OR5H6: variants seen among roughly 807,000 people sequenced by gnomAD.
The protein encoded by OR5H6 is olfactory receptor 5H6.
For synonymous variants in OR5H6, 151 were observed against 127.7 expected (o/e 1.18, Z -1.23); for missense variants, 429 against 358.1 (o/e 1.20, Z -1.60).
rs1392479541 is a variant in OR5H6 at position 98,264,437 on chromosome 3, T to A, written c.105T>A (p.Tyr35Ter). The change falls in exon 1 of 1, where the codon TAT (tyrosine) becomes TAA (stop). Residue 35 changes from tyrosine to a stop codon, truncating the protein, a stop_gained. Coordinates refer to ENST00000615035, the MANE Select transcript of OR5H6 (RefSeq NM_001005479.2). LOFTEE classifies it low-confidence loss of function (END_TRUNC). ...IPLFLAFLVIYLITIMGNLGL... is the reference protein window; with the variant it reads ...IPLFLAFLVI ...TCTTCCTGGCATTCTTGGTAATATA[T>A]CTCATCACCATCATGGGGAATCTTG... 2 of 1,612,402 alleles carry A rather than the reference T, an allele frequency of 1.2e-6. No individual in the cohort carries two copies. Among genetic ancestry groups the A allele is most frequent in the South Asian group, 1.1e-5 (1 of 91,038 alleles).
In OR5H6 at chr3:98,264,877, T is replaced by A. The variant is rs536656763; in HGVS notation, c.545T>A (p.Ile182Asn). Residue 182 changes from isoleucine to asparagine, a missense_variant, in exon 1 of 1, where the codon ATC becomes AAC. Coordinates refer to ENST00000615035, the MANE Select transcript of OR5H6 (RefSeq NM_001005479.2). ...NIIQHFYCDI[I>N]PLLKISCTDS... The stretch of plus-strand genomic sequence containing the variant: ...ATACAACACTTTTACTGTGACATTA[T>A]CCCATTGTTAAAGATTTCCTGTACT... 204 of 1,610,750 alleles carry A rather than the reference T, an allele frequency of 1.3e-4. 4 individuals carry two copies. The South Asian group carries it at 2.1e-3, about 16-fold the overall frequency.
chr3:98,264,869 T>C lies in OR5H6; in HGVS notation c.537T>C (p.Cys179=). The change falls in exon 1 of 1, where the codon TGT becomes TGC. Residue 179 remains cysteine, a synonymous_variant. Transcript: ENST00000615035. ...CCAACATAATACAACACTTTTACTG[T>C]GACATTATCCCATTGTTAAAGATTT... ...CNSNIIQHFY[C]DIIPLLKISC... 1.2e-6 allele frequency: 2 copies of C among 1,610,220 alleles called. No homozygotes were observed. Among genetic ancestry groups the C allele is most frequent in the Non-Finnish European group, 1.7e-6 (2 of 1,177,994 alleles).
Position 98,265,059 on chromosome 3 carries a change from G to T in OR5H6, c.727G>T (p.Ala243Ser). ...GIRKAVSTCG[A>S]HLLSVSLYYG... ...ACGAAAAGCTGTCTCCACCTGTGGG[G>T]CTCATCTCTTATCTGTATCTTTATA... Residue 243 changes from alanine (A) to serine (S), a missense_variant, in exon 1 of 1, where the codon GCT (alanine) becomes TCT (serine). Coordinates refer to ENST00000615035, the MANE Select transcript of OR5H6 (RefSeq NM_001005479.2). The T allele has an allele frequency of 6.2e-7, 1 of 1,612,750 alleles. No homozygotes were observed. The highest frequency in any genetic ancestry group is 8.5e-7 in the Non-Finnish European group (1 of 1,179,456).
Position 98,264,532 on chromosome 3 carries a change from C to T in OR5H6, c.200C>T (p.Ala67Val), listed in dbSNP as rs753316847. The T allele has an allele frequency of 4.3e-6, 7 of 1,612,930 alleles. No homozygotes were observed. Among genetic ancestry groups the T allele is most frequent in the South Asian group, 1.1e-5 (1 of 91,050 alleles). ...IPMYLFLGSL[A>V]FVDASLSSTV... ...ATGTACTTATTCCTTGGGAGTTTAG[C>T]CTTTGTGGATGCTTCGTTATCATCC... is the stretch of plus-strand genomic sequence containing the variant. The change falls in exon 1 of 1, where the codon GCC (alanine) becomes GTC (valine). Residue 67 changes from alanine (A) to valine (V), a missense_variant. Ala to Val is a moderately conservative substitution (Grantham distance 64). Coordinates refer to ENST00000615035, the MANE Select transcript of OR5H6 (RefSeq NM_001005479.2).
In OR5H6 at chr3:98,264,393, C is replaced by A. The variant is rs1705848487; in HGVS notation, c.61C>A (p.Pro21Thr). Reference sequence around the variant, plus strand: ...TGTTCTCACAGGATTTTTACATCAACCTGACTGTAAAATACCGCTCTTCCT... The same window carrying A: ...TGTTCTCACAGGATTTTTACATCAAACTGACTGTAAAATACCGCTCTTCCT... ...EFVLTGFLHQPDCKIPLFLAF... is the reference protein window; with the variant it reads ...EFVLTGFLHQTDCKIPLFLAF... The change falls in exon 1 of 1, where the codon CCT (proline) becomes ACT (threonine). Residue 21 changes from proline (P) to threonine (T), a missense_variant. Physicochemically the swap from Pro to Thr is conservative, Grantham distance 38. Transcript: ENST00000615035. 1 of 1,612,886 alleles carries A rather than the reference C, an allele frequency of 6.2e-7. No individual in the cohort carries two copies. Among genetic ancestry groups the A allele is most frequent in the Non-Finnish European group, 8.5e-7 (1 of 1,179,012 alleles).
In OR5H6 at chr3:98,264,455, G is replaced by A. The variant is rs142653153; in HGVS notation, c.123G>A (p.Gly41=). Residue 41 remains glycine (G), a synonymous_variant, in exon 1 of 1, where the codon GGG becomes GGA. Coordinates refer to ENST00000615035, the MANE Select transcript of OR5H6 (RefSeq NM_001005479.2). ...FLVIYLITIM[G]NLGLIVLIWK... is the part of the protein sequence containing the mutation. The stretch of plus-strand genomic sequence containing the variant: ...TAATATATCTCATCACCATCATGGG[G>A]AATCTTGGTCTAATTGTTCTCATCT... 6.2e-7 allele frequency: 1 copy of A among 1,612,154 alleles called. No individual in the cohort carries two copies. Among genetic ancestry groups the A allele is most frequent in the Non-Finnish European group, 8.5e-7 (1 of 1,178,524 alleles).
chr3:98,264,976 TTA>T lies in OR5H6; in HGVS notation c.648_649del (p.Ser217LeufsTer52), dbSNP rs1480899157. The T allele has an allele frequency of 6.2e-7, 1 of 1,610,410 alleles. No homozygotes were observed. The highest frequency in any genetic ancestry group is 8.5e-7 in the Non-Finnish European group (1 of 1,178,280). ...CAAGTTTTTACCATTGGAACTATTCTTATATCTTATACAATTATCCTCTTTAC... is the reference window on the plus strand; with the variant it reads ...CAAGTTTTTACCATTGGAACTATTCTTATCTTATACAATTATCCTCTTTAC... On this transcript the variant is annotated frameshift_variant, in exon 1 of 1. Transcript: ENST00000615035. LOFTEE classifies it low-confidence loss of function (END_TRUNC).
At position 98,264,450 on chromosome 3, in the gene OR5H6, A is replaced by G. The variant is rs1705850071; in HGVS notation, c.118A>G (p.Met40Val). 6.2e-7 allele frequency: 1 copy of G among 1,612,390 alleles called. No homozygotes were observed. The highest frequency in any genetic ancestry group is 8.5e-7 in the Non-Finnish European group (1 of 1,178,602). ...CTTGGTAATATATCTCATCACCATC[A>G]TGGGGAATCTTGGTCTAATTGTTCT... The part of the protein sequence containing the change: ...AFLVIYLITI[M>V]GNLGLIVLIW... Residue 40 changes from methionine (M) to valine (V), a missense_variant, in exon 1 of 1, where the codon ATG (methionine) becomes GTG (valine). Met to Val is a conservative substitution (Grantham distance 21, BLOSUM62 1). Transcript: ENST00000615035.
Position 98,264,770 on chromosome 3 carries a change from C to T in OR5H6, c.438C>T (p.Val146=), listed in dbSNP as rs1329454725. The change falls in exon 1 of 1, where the codon GTC becomes GTT. Residue 146 remains valine (V), a synonymous_variant. Transcript: ENST00000615035. ...MTNELCIQLL[V]LSFIGGLLHA... is the part of the protein sequence containing the mutation. ...ATGAACTATGCATTCAGCTATTAGTCTTGTCATTTATAGGTGGCCTTCTTC... is the reference window on the plus strand; with the variant it reads ...ATGAACTATGCATTCAGCTATTAGTTTTGTCATTTATAGGTGGCCTTCTTC... 2 of 1,613,064 alleles carry T rather than the reference C, an allele frequency of 1.2e-6. No homozygotes were observed. Among genetic ancestry groups the T allele is most frequent in the Non-Finnish European group, 1.7e-6 (2 of 1,179,366 alleles).
Position 98,264,381 on chromosome 3 carries a change from T to C in OR5H6, c.49T>C (p.Phe17Leu). 6.2e-7 allele frequency: 1 copy of C among 1,613,140 alleles called. No homozygotes were observed. The highest frequency in any genetic ancestry group is 8.5e-7 in the Non-Finnish European group (1 of 1,179,194). The change falls in exon 1 of 1, where the codon TTT (phenylalanine) becomes CTT (leucine). Residue 17 changes from phenylalanine to leucine, a missense_variant. Transcript: ENST00000615035. The part of the protein sequence containing the change: ...TLLTEFVLTG[F>L]LHQPDCKIPL... ...GCTGACAGAGTTTGTTCTCACAGGATTTTTACATCAACCTGACTGTAAAAT... is the reference window on the plus strand; with the variant it reads ...GCTGACAGAGTTTGTTCTCACAGGACTTTTACATCAACCTGACTGTAAAAT...
At position 98,264,901 on chromosome 3, in the gene OR5H6, C is replaced by T. The variant is rs763239824; in HGVS notation, c.569C>T (p.Thr190Ile). Residue 190 changes from threonine to isoleucine, a missense_variant, in exon 1 of 1, where the codon ACT becomes ATT. Thr to Ile is a moderately conservative substitution (Grantham distance 89). Coordinates refer to ENST00000615035, the MANE Select transcript of OR5H6 (RefSeq NM_001005479.2). ...DIIPLLKISC[T>I]DSSINFLMVF... ...ATCCCATTGTTAAAGATTTCCTGTA[C>T]TGATTCCTCTATTAACTTTCTAATG... 2.5e-6 allele frequency: 4 copies of T among 1,610,102 alleles called. No individual in the cohort carries two copies. In the African/African-American group the frequency reaches 4.0e-5, roughly 16 times the overall value.
rs1705882140 is a variant in OR5H6, at chr3:98,265,355, G to T, written c.*93G>T. 11 of 1,342,812 alleles carry T rather than the reference G, an allele frequency of 8.2e-6. No individual in the cohort carries two copies. The highest frequency in any genetic ancestry group is 1.0e-6 in the Non-Finnish European group (1 of 991,466). 83.2% of individuals were successfully genotyped at this position (1,342,812 alleles called of 1,614,324 possible). ...TGTCTTGCCAGCATTCAAAGATGATGCAAAGTCCTAGCACTTTAATGGCCT... is the reference window on the plus strand; with the variant it reads ...TGTCTTGCCAGCATTCAAAGATGATTCAAAGTCCTAGCACTTTAATGGCCT... On this transcript the variant is annotated 3_prime_UTR_variant, in exon 1 of 1. Transcript: ENST00000615035.
chr3:98,265,321 A>T lies in OR5H6; in HGVS notation c.*59A>T. The T allele has an allele frequency of 6.6e-7, 1 of 1,505,486 alleles. No individual in the cohort carries two copies. The highest frequency in any genetic ancestry group is 1.4e-5 in the South Asian group (1 of 71,414). 93.3% of individuals were successfully genotyped at this position (1,505,486 alleles called of 1,614,324 possible). On this transcript the variant is annotated 3_prime_UTR_variant, in exon 1 of 1. Coordinates refer to ENST00000615035, the MANE Select transcript of OR5H6 (RefSeq NM_001005479.2). ...ATTGTCCCAAGATTGTGCAAGTTAGAGGTGTCTATGTCTTGCCAGCATTCA... is the reference window on the plus strand; with the variant it reads ...ATTGTCCCAAGATTGTGCAAGTTAGTGGTGTCTATGTCTTGCCAGCATTCA...
chr3:98,264,547 C>G lies in OR5H6; in HGVS notation c.215C>G (p.Ser72Trp), dbSNP rs2173236. Residue 72 changes from serine (S) to tryptophan (W), a missense_variant, in exon 1 of 1, where the codon TCG becomes TGG. Ser to Trp is a radical substitution (Grantham distance 177, BLOSUM62 -3). Coordinates refer to ENST00000615035, the MANE Select transcript of OR5H6 (RefSeq NM_001005479.2). ...FLGSLAFVDA[S>W]LSSTVTPKML... ...GGGAGTTTAGCCTTTGTGGATGCTT[C>G]GTTATCATCCACAGTGACTCCGAAG... 252,238 of 1,609,374 alleles carry G rather than the reference C, an allele frequency of 0.16. 28,110 individuals carry two copies. The highest frequency in any genetic ancestry group is 0.59 in the East Asian group (26,443 of 44,800).
chr3:98,264,878 C>T lies in OR5H6; in HGVS notation c.546C>T (p.Ile182=). The part of the protein sequence containing the change: ...NIIQHFYCDI[I]PLLKISCTDS... ...TACAACACTTTTACTGTGACATTAT[C>T]CCATTGTTAAAGATTTCCTGTACTG... The change falls in exon 1 of 1, where the codon ATC becomes ATT. Residue 182 remains isoleucine (I), a synonymous_variant. Coordinates refer to ENST00000615035, the MANE Select transcript of OR5H6 (RefSeq NM_001005479.2). 7 of 1,610,412 alleles carry T rather than the reference C, an allele frequency of 4.3e-6. No homozygotes were observed. Among genetic ancestry groups the T allele is most frequent in the Non-Finnish European group, 5.9e-6 (7 of 1,178,082 alleles).
Position 98,264,512 on chromosome 3 carries a change from C to T in OR5H6, c.180C>T (p.Tyr60=), listed in dbSNP as rs549223024. 1.3e-4 allele frequency: 210 copies of T among 1,612,382 alleles called. 2 individuals are homozygous for T. In the South Asian group the frequency reaches 2.1e-3, roughly 16 times the overall value. ...ACCCTCACCTTCATATCCCAATGTA[C>T]TTATTCCTTGGGAGTTTAGCCTTTG... ...WKDPHLHIPM[Y]LFLGSLAFVD... Residue 60 remains tyrosine, a synonymous_variant, in exon 1 of 1, where the codon TAC becomes TAT. Coordinates refer to ENST00000615035, the MANE Select transcript of OR5H6 (RefSeq NM_001005479.2).
chr3:98,264,852 A>G lies in OR5H6; in HGVS notation c.520A>G (p.Ile174Val), dbSNP rs762997503. The G allele has an allele frequency of 9.3e-6, 15 of 1,610,914 alleles. No homozygotes were observed. The South Asian group carries it at 1.5e-4, about 17-fold the overall frequency. The change falls in exon 1 of 1, where the codon ATA becomes GTA. Residue 174 changes from isoleucine to valine, a missense_variant. Ile to Val is a conservative substitution (Grantham distance 29). Transcript: ENST00000615035. The stretch of plus-strand genomic sequence containing the variant: ...ATTAACCTTCTGTAATTCCAACATA[A>G]TACAACACTTTTACTGTGACATTAT... ...FRLTFCNSNI[I>V]QHFYCDIIPL... is the part of the protein sequence containing the mutation.
chr3:98,265,315 A>G lies in OR5H6; in HGVS notation c.*53A>G. On this transcript the variant is annotated 3_prime_UTR_variant, in exon 1 of 1. Transcript: ENST00000615035. ...ACTAAAATTGTCCCAAGATTGTGCA[A>G]GTTAGAGGTGTCTATGTCTTGCCAG... 1.3e-6 allele frequency: 2 copies of G among 1,511,028 alleles called. No individual in the cohort carries two copies. Among genetic ancestry groups the G allele is most frequent in the Non-Finnish European group, 1.8e-6 (2 of 1,131,142 alleles). The allele number at this position is 1,511,028 out of a possible 1,614,324, so 93.6% of individuals were successfully genotyped here. A position where few individuals can be genotyped will look rare whatever the true frequency, so the allele number is the denominator to read the frequency against.
Position 98,265,038 on chromosome 3 carries a change from A to T in OR5H6, c.706A>T (p.Lys236Ter), listed in dbSNP as rs192791816. 187 of 1,612,904 alleles carry T rather than the reference A, an allele frequency of 1.2e-4. No individual in the cohort carries two copies. Among genetic ancestry groups the T allele is most frequent in the Non-Finnish European group, 1.6e-4 (183 of 1,179,442 alleles). Reference sequence around the variant, plus strand: ...AAAGAAGTCTATCAAAGGGATACGAAAAGCTGTCTCCACCTGTGGGGCTCA... The same window carrying T: ...AAAGAAGTCTATCAAAGGGATACGATAAGCTGTCTCCACCTGTGGGGCTCA... Reference protein sequence around the residue: ...LEKKSIKGIRKAVSTCGAHLL... With the variant: ...LEKKSIKGIR The change falls in exon 1 of 1, where the codon AAA becomes TAA. Residue 236 changes from lysine (K) to a stop codon, truncating the protein, a stop_gained. Coordinates refer to ENST00000615035, the MANE Select transcript of OR5H6 (RefSeq NM_001005479.2). LOFTEE classifies it low-confidence loss of function (END_TRUNC).
Sources: gnomAD v4.1 joint callset for allele counts on GRCh38, gnomAD v4.1.1 for gene constraint, MANE v1.5 for transcripts, NCBI Gene and HGNC (gene_info 2026-07-23, HGNC 2026-07-21) for gene names.